The following KCNMB2 variants were observed in gnomAD, a reference collection of about 807,000 sequenced individuals.
KCNMB2 encodes potassium calcium-activated channel subfamily M regulatory beta subunit 2.
In KCNMB2, 9 loss-of-function variants were observed where a neutral mutation model predicts 24.5. The ratio of observed to expected loss-of-function variants is 0.37; its 90% CI spans 0.22 to 0.64. The LOEUF (loss-of-function observed/expected upper bound fraction) is 0.64. Among genes scored for constraint, KCNMB2 ranks in the 30% least tolerant of loss-of-function variants. KCNMB2 has a pLI of 0.63. For missense variants in KCNMB2, 226 were observed against 284.3 expected, an observed-to-expected ratio of 0.79 and a Z score of 1.47; for synonymous variants, 109 against 104.4, an observed-to-expected ratio of 1.04 and a Z score of -0.27.
At chr3:178,762,034 C>T (rs537414581) in intron 1 of KCNMB2, among the ~76,000 whole-genome samples, 2 of 151,224 alleles carry the variant, frequency 1.3e-5, no homozygotes, top group East Asian at 3.9e-4. Context: ...AACCAGGCGT[C>T]GTAGCGGGCG....
chr3:178,550,889 A>G (rs887550017), intron 1 of KCNMB2, among the ~76,000 whole-genome samples: 3 of 152,216 alleles, frequency 2.0e-5, no homozygotes, highest in African/African-American at 7.2e-5. Context: ...CATTTCAATA[A>G]ATGACTCCTG....
At chr3:178,543,253 T>C (rs920338011) in intron 1 of KCNMB2, among the ~76,000 whole-genome samples, 15 of 152,150 alleles carry the variant, frequency 9.9e-5, no homozygotes, top group African/African-American at 3.6e-4. Flanking sequence ...AAAGAAGCAA[T>C]TCTGGAAAAA....
chr3:178,634,683 G>C (rs967894649), intron 1 of KCNMB2, among the ~76,000 whole-genome samples: 1 of 152,098 alleles, frequency 6.6e-6, no homozygotes, highest in Non-Finnish European at 1.5e-5. Context: ...GTCTAACAGA[G>C]CAAAACCCAA....
At chr3:178,813,720 T>A (rs1198223969) in intron 2 of KCNMB2, among the ~76,000 whole-genome samples, 3 of 152,238 alleles carry the variant, frequency 2.0e-5, no homozygotes, top group Non-Finnish European at 4.4e-5. Flanking sequence ...ACTTTTTAAC[T>A]CATCATTTGT....
At chr3:178,707,739 T>C (rs1217440947) in intron 1 of KCNMB2, among the ~76,000 whole-genome samples, 2 of 152,088 alleles carry the variant, frequency 1.3e-5, no homozygotes, top group Non-Finnish European at 2.9e-5. Context: ...TAGACTGAGG[T>C]GATTCTCACA....
intron 4 of KCNMB2, among the ~76,000 whole-genome samples, chr3:178,830,918 G>A (rs1418418680): frequency 1.3e-5 from 2 of 152,112 alleles, no homozygotes; most frequent in Admixed American, 6.6e-5. Context: ...TCTAATTTCA[G>A]TGTAACCAGA....
intron 1 of KCNMB2, among the ~76,000 whole-genome samples, chr3:178,757,534 ATATATATATATGTATATATATCCAAGAG>A (rs1724148168): frequency 9.8e-5 from 4 of 40,696 alleles, no homozygotes. Flanking sequence ...ATCCAAGAGG[ATATATATATATGTATATATATCCAAGAG>A]GATATATATA....
chr3:178,751,573 C>CAAA (rs61148761), intron 1 of KCNMB2, among the ~76,000 whole-genome samples: 519 of 47,740 alleles, frequency 0.011, 48 homozygotes, highest in Admixed American at 0.024. Context: ...GACTCCGTCT[C>CAAA]AAAAAAAAAA....
intron 1 of KCNMB2, among the ~76,000 whole-genome samples, chr3:178,598,870 A>G (rs1192038620): frequency 6.6e-6 from 1 of 152,074 alleles, no homozygotes; most frequent in African/African-American, 2.4e-5. Context: ...CTTGCTGCAC[A>G]CTACACTTCG....
chr3:178,616,959 G>T (rs1039945960), intron 1 of KCNMB2, among the ~76,000 whole-genome samples: 3 of 152,188 alleles, frequency 2.0e-5, no homozygotes, highest in African/African-American at 7.2e-5. Context: ...CTTCCCTGTA[G>T]ACATTTTAGG....
intron 1 of KCNMB2, among the ~76,000 whole-genome samples, chr3:178,744,067 T>C (rs1034297197): frequency 6.6e-6 from 1 of 152,224 alleles, no homozygotes; most frequent in Admixed American, 6.5e-5. Context: ...AAATCTTTTT[T>C]TAACTACCTG....
intron 1 of KCNMB2, among the ~76,000 whole-genome samples, chr3:178,801,629 G>A (rs1713779945): frequency 6.6e-6 from 1 of 152,204 alleles, no homozygotes; most frequent in Admixed American, 6.5e-5. Flanking sequence ...AATGGAAGGA[G>A]CAGCTAGATA....
chr3:178,671,132 A>G lies in KCNMB2; in HGVS notation c.-68+134421A>G, dbSNP rs551179889. ...CACCCCAAAACACACGTACAAACACACAGGCCTCAAGGAAATAGAGAATTT... is the reference window on the plus strand; with the variant it reads ...CACCCCAAAACACACGTACAAACACGCAGGCCTCAAGGAAATAGAGAATTT... On this transcript the variant is annotated intron_variant, in intron 1 of 4. Transcript: ENST00000452583. Among the ~76,000 whole-genome samples the G allele has an allele frequency of 2.4e-3, 340 of 142,316 alleles. 1 individual carries two copies. Among genetic ancestry groups the G allele is most frequent in the Non-Finnish European group, 2.9e-3 (188 of 65,348 alleles). The allele number at this position is 142,316 out of a possible 152,430, so 93.4% of individuals were successfully genotyped here. A position where few individuals can be genotyped will look rare whatever the true frequency, so the allele number is the denominator to read the frequency against.
intron 1 of KCNMB2, chr3:178,748,248 G>A (rs1453731009): frequency 6.6e-6 from 1 of 152,138 alleles, no homozygotes; most frequent in Non-Finnish European, 1.5e-5. Flanking sequence ...TCCATATCCT[G>A]GAGTTTAGTC....
At chr3:178,597,964 G>T (rs1290613176) in intron 1 of KCNMB2, among the ~76,000 whole-genome samples, 1 of 151,778 alleles carries the variant, frequency 6.6e-6, no homozygotes, top group Non-Finnish European at 1.5e-5. Flanking sequence ...GTGAAACATG[G>T]AGCCTTAATA....
At chr3:178,807,966 G>T (rs1714041797) in intron 2 of KCNMB2, among the ~76,000 whole-genome samples, 1 of 151,932 alleles carries the variant, frequency 6.6e-6, no homozygotes, top group Non-Finnish European at 1.5e-5. Context: ...TGGCAATTCA[G>T]TTTCTTCTTC....
chr3:178,804,800 C>T (rs192640625), intron 1 of KCNMB2, among the ~76,000 whole-genome samples: 6 of 152,172 alleles, frequency 3.9e-5, no homozygotes, highest in African/African-American at 1.4e-4. Flanking sequence ...TGTGCCCAAA[C>T]CCTGTGAAGG....
chr3:178,592,948 C>A (rs1397309054), intron 1 of KCNMB2, among the ~76,000 whole-genome samples: 1 of 152,016 alleles, frequency 6.6e-6, no homozygotes, highest in Admixed American at 6.6e-5. Context: ...TTTAATATTC[C>A]AAATGTTTTG....
At chr3:178,799,590 T>C (rs1244857206) in intron 1 of KCNMB2, among the ~76,000 whole-genome samples, 4 of 152,156 alleles carry the variant, frequency 2.6e-5, no homozygotes, top group African/African-American at 9.7e-5. Flanking sequence ...ATTGTTAAAA[T>C]GTCCATACTA....
Sources: gnomAD v4.1 joint callset for allele counts (sites outside exome capture counted in the v4.1 genomes callset) on GRCh38, gnomAD v4.1.1 for gene constraint, MANE v1.5 for transcripts, NCBI Gene and HGNC (gene_info 2026-07-23, HGNC 2026-07-21) for gene names.